CNTLN: variants seen among roughly 807,000 people sequenced by gnomAD.
CNTLN encodes the protein centlein, centrosomal protein.
CNTLN carries 212 observed loss-of-function variants against 180.0 expected under a neutral mutation model. That is an observed-to-expected ratio of 1.18 (90% CI 1.05 to 1.32). CNTLN has a LOEUF of 1.32. Among genes scored for constraint, CNTLN ranks in the 40% most tolerant of loss-of-function variants. The pLI is 0.00. For missense variants in CNTLN, 2,095 were observed against 1,610.9 expected (o/e 1.30, Z -5.14); for synonymous variants, 722 against 563.1 (o/e 1.28, Z -3.99).
At chr9:17,338,097 A>G (rs994058909) in intron 10 of CNTLN, among the ~76,000 whole-genome samples, 29 of 151,316 alleles carry the variant, frequency 1.9e-4, no homozygotes, top group African/African-American at 7.0e-4. Context: ...CTCTTCCAAT[A>G]TAGTCTGTTA....
intron 23 of CNTLN, among the ~76,000 whole-genome samples, chr9:17,470,948 A>G (rs1339157058): frequency 6.6e-6 from 1 of 152,038 alleles, no homozygotes; most frequent in Non-Finnish European, 1.5e-5. Flanking sequence ...TTACACATAC[A>G]ATTGTTAATA....
chr9:17,487,858 C>T (rs372313988), intron 25 of CNTLN, among the ~76,000 whole-genome samples: 57 of 152,226 alleles, frequency 3.7e-4, no homozygotes, highest in African/African-American at 1.3e-3. Context: ...GGTGAGAGCC[C>T]TGCTTTTCTA....
At chr9:17,226,132 A>G in intron 2 of CNTLN, 71 bp from the exon 3 acceptor site, 3 of 722,476 alleles carry the variant, frequency 4.2e-6, no homozygotes, top group Non-Finnish European at 6.6e-6. Context: ...TGATATTAAT[A>G]TTTGGGATAT....
intron 10 of CNTLN, among the ~76,000 whole-genome samples, chr9:17,337,898 C>G (rs118135406): frequency 0.012 from 1,847 of 152,102 alleles, 15 homozygotes; most frequent in Middle Eastern, 0.041. Context: ...ATGACTCTAA[C>G]AAAAAACTTT....
chr9:17,257,014 T>C, intron 5 of CNTLN, among the ~76,000 whole-genome samples: 1 of 152,016 alleles, frequency 6.6e-6, no homozygotes, highest in Non-Finnish European at 1.5e-5. Flanking sequence ...TTAGGGTACA[T>C]GTGCACATTG....
chr9:17,314,526 A>G (rs1563986823), intron 8 of CNTLN, among the ~76,000 whole-genome samples: 1 of 152,196 alleles, frequency 6.6e-6, no homozygotes, highest in South Asian at 2.1e-4. Context: ...TAGTGCATGA[A>G]CAGTTCATTT....
At chr9:17,429,732 C>T (rs1829305413) in intron 18 of CNTLN, among the ~76,000 whole-genome samples, 1 of 151,912 alleles carries the variant, frequency 6.6e-6, no homozygotes, top group Non-Finnish European at 1.5e-5. Context: ...ACCTTGTGTT[C>T]TGACTATAGA....
At chr9:17,176,297 T>C (rs573305413) in intron 2 of CNTLN, among the ~76,000 whole-genome samples, 1 of 152,134 alleles carries the variant, frequency 6.6e-6, no homozygotes, top group South Asian at 2.1e-4. Flanking sequence ...TTTTTTTTTA[T>C]CATGAATGGG....
chr9:17,390,789 A>G (rs1307631090), intron 14 of CNTLN, among the ~76,000 whole-genome samples: 13 of 152,206 alleles, frequency 8.5e-5, no homozygotes, highest in Non-Finnish European at 1.6e-4. Context: ...CAAAATGTTT[A>G]GAAGTAGTGT....
At chr9:17,136,964 G>A (rs1465376654) in intron 1 of CNTLN, among the ~76,000 whole-genome samples, 1 of 151,994 alleles carries the variant, frequency 6.6e-6, no homozygotes, top group Non-Finnish European at 1.5e-5. Context: ...TCCCACTTCT[G>A]CCTCCCCACA....
At chr9:17,155,133 G>T (rs1011733210) in intron 2 of CNTLN, among the ~76,000 whole-genome samples, 1 of 152,200 alleles carries the variant, frequency 6.6e-6, no homozygotes, top group Non-Finnish European at 1.5e-5. Flanking sequence ...CTGGAAGGAA[G>T]AAACTCTGGA....
At chr9:17,438,974 G>A (rs1488035883) in intron 18 of CNTLN, among the ~76,000 whole-genome samples, 1 of 151,992 alleles carries the variant, frequency 6.6e-6, no homozygotes, top group African/African-American at 2.4e-5. Flanking sequence ...TATCAAGAAG[G>A]GAATGATATA....
intron 2 of CNTLN, among the ~76,000 whole-genome samples, chr9:17,207,586 G>A (rs1232979162): frequency 6.6e-6 from 1 of 152,072 alleles, no homozygotes; most frequent in African/African-American, 2.4e-5. Context: ...CCCTTGGCTG[G>A]GGGAGGGAGG....
intron 3 of CNTLN, among the ~76,000 whole-genome samples, chr9:17,234,400 G>C (rs889833608): frequency 1.3e-5 from 2 of 151,882 alleles, no homozygotes; most frequent in African/African-American, 4.8e-5. Context: ...CCATGATTGT[G>C]CCACTGCACT....
intron 15 of CNTLN, among the ~76,000 whole-genome samples, chr9:17,408,336 C>A (rs1055441021): frequency 1.3e-5 from 2 of 152,006 alleles, no homozygotes; most frequent in African/African-American, 4.8e-5. Flanking sequence ...GTCTCCTACC[C>A]TTGTTTATTT....
At position 17,466,137 on chromosome 9, in the gene CNTLN, C is replaced by A. The variant is rs1189460464; in HGVS notation, c.3669+19C>A. 1.3e-6 allele frequency: 2 copies of A among 1,578,756 alleles called. No individual in the cohort carries two copies. Among genetic ancestry groups the A allele is most frequent in the Admixed American group, 1.7e-5 (1 of 57,554 alleles). On this transcript the variant is annotated intron_variant, in intron 22 of 25. Coordinates refer to ENST00000380647, the MANE Select transcript of CNTLN (RefSeq NM_017738.4). Reference sequence around the variant, plus strand: ...AAAAAAGGTATGCTTTTAAAAAGGGCATTTTAGATTACAGATGGAATATAA... The same window carrying A: ...AAAAAAGGTATGCTTTTAAAAAGGGAATTTTAGATTACAGATGGAATATAA...
At chr9:17,480,915 T>G (rs944652528) in intron 23 of CNTLN, among the ~76,000 whole-genome samples, 2 of 152,192 alleles carry the variant, frequency 1.3e-5, no homozygotes, top group South Asian at 4.1e-4. Flanking sequence ...GAGAAGTACA[T>G]AGGAATCTTA....
intron 5 of CNTLN, among the ~76,000 whole-genome samples, chr9:17,270,995 G>T (rs1005139704): frequency 7.2e-6 from 1 of 139,426 alleles, no homozygotes; most frequent in African/African-American, 2.8e-5. Flanking sequence ...CTGTCGCCCA[G>T]GCTGGAGTGC....
At chr9:17,515,803 C>G in the CNTLN span, among the ~76,000 whole-genome samples, 1 of 152,184 alleles carries the variant, frequency 6.6e-6, no homozygotes, top group Non-Finnish European at 1.5e-5. Context: ...AGCTGTTGCT[C>G]TATAATACAG....
Sources: allele counts gnomAD v4.1 joint callset (sites outside exome capture counted in the v4.1 genomes callset), GRCh38; gene constraint gnomAD v4.1.1; transcripts MANE v1.5; gene names NCBI Gene and HGNC (gene_info 2026-07-23, HGNC 2026-07-21).